The following NRF1 variants were observed in gnomAD, a reference collection of about 807,000 sequenced individuals.
NRF1 encodes nuclear respiratory factor 1.
Under a neutral mutation model 58.5 loss-of-function variants are expected in NRF1, and 5 were observed. That is an observed-to-expected ratio of 0.09 (90% confidence interval 0.04 to 0.18). The LOEUF (loss-of-function observed/expected upper bound fraction) is 0.18, where lower values mean the gene tolerates loss of function less well. NRF1 is among the 10% of genes least tolerant of loss of function. The pLI is 1.00. For missense variants in NRF1, 288 were observed against 657.7 expected, an observed-to-expected ratio of 0.44 and a Z score of 6.15; for synonymous variants, 224 against 246.7, an observed-to-expected ratio of 0.91 and a Z score of 0.86.
At chr7:129,725,053 TAA>T (rs1378812813) in intron 9 of NRF1, among the ~76,000 whole-genome samples, 1 of 151,964 alleles carries the variant, frequency 6.6e-6, no homozygotes, top group Non-Finnish European at 1.5e-5. Context: ...TCTAAAAAAA[TAA>T]AAACAAAAAT....
chr7:129,637,866 ATTTTTTG>A (rs1801202642), intron 1 of NRF1, among the ~76,000 whole-genome samples: 3 of 149,478 alleles, frequency 2.0e-5, no homozygotes, highest in East Asian at 4.0e-4. Context: ...TTGTGATTTT[ATTTTTTG>A]TTTTTTTTTT....
At chr7:129,619,427 T>C (rs190629480) in intron 1 of NRF1, among the ~76,000 whole-genome samples, 10,785 of 80,322 alleles carry the variant, frequency 0.13, 1,223 homozygotes, top group African/African-American at 0.28. Context: ...TATATATATA[T>C]ATATATACAC....
chr7:129,667,876 C>G (rs1420036614), intron 2 of NRF1, among the ~76,000 whole-genome samples: 1 of 151,882 alleles, frequency 6.6e-6, no homozygotes, highest in African/African-American at 2.4e-5. Flanking sequence ...TCAAGTGATC[C>G]TCCTGCCTCA....
intron 1 of NRF1, among the ~76,000 whole-genome samples, chr7:129,655,143 T>G (rs1227105917): frequency 1.3e-5 from 2 of 151,972 alleles, no homozygotes; most frequent in Admixed American, 6.6e-5. Context: ...GAGTTTTGTG[T>G]TTTTTTTCAT....
intron 10 of NRF1, among the ~76,000 whole-genome samples, chr7:129,747,810 G>T (rs1057322027): frequency 6.6e-6 from 1 of 152,164 alleles, no homozygotes; most frequent in Non-Finnish European, 1.5e-5. Context: ...GAGAAAATTC[G>T]ACTTCATTCT....
intron 9 of NRF1, among the ~76,000 whole-genome samples, chr7:129,726,332 C>T (rs1212335826): frequency 6.6e-6 from 1 of 152,156 alleles, no homozygotes; most frequent in Non-Finnish European, 1.5e-5. Context: ...ATTTTTCTTC[C>T]TTACTGGCCC....
chr7:129,744,577 C>T (rs1295586879), intron 10 of NRF1, among the ~76,000 whole-genome samples: 1 of 151,994 alleles, frequency 6.6e-6, no homozygotes, highest in Non-Finnish European at 1.5e-5. Context: ...AAGAACTTGT[C>T]CCCATTAACA....
chr7:129,673,545 G>A (rs923267274), intron 3 of NRF1, among the ~76,000 whole-genome samples: 4 of 151,016 alleles, frequency 2.6e-5, no homozygotes, highest in East Asian at 4.0e-4. Flanking sequence ...GTGAAACCTC[G>A]TCTCTACTAA....
At chr7:129,627,929 A>C (rs1800955895) in intron 1 of NRF1, among the ~76,000 whole-genome samples, 2 of 152,126 alleles carry the variant, frequency 1.3e-5, no homozygotes, top group Non-Finnish European at 2.9e-5. Context: ...TAGTTTAGGA[A>C]GAGCAGGAAT....
At chr7:129,642,776 T>TA in intron 1 of NRF1, among the ~76,000 whole-genome samples, 2 of 137,146 alleles carry the variant, frequency 1.5e-5, no homozygotes, top group East Asian at 4.8e-4. Context: ...TTTTTTTTTT[T>TA]AAATGAGATA....
chr7:129,622,456 A>G (rs1488524588), intron 1 of NRF1, among the ~76,000 whole-genome samples: 4 of 152,192 alleles, frequency 2.6e-5, no homozygotes, highest in East Asian at 1.9e-4. Flanking sequence ...TTTTCTCTTA[A>G]TGGAAAAAGC....
In NRF1 at chr7:129,728,468, CAAAAAAAAAA is replaced by C. The variant is rs60777041; in HGVS notation, c.1348+1120_1348+1129del. Among the ~76,000 whole-genome samples the C allele has an allele frequency of 3.2e-3, 308 of 96,428 alleles. 1 individual carries two copies. The highest frequency in any genetic ancestry group is 5.2e-3 in the Non-Finnish European group (241 of 46,154). 63.3% of individuals were successfully genotyped at this position (96,428 alleles called of 152,430 possible). A position where few individuals can be genotyped will look rare whatever the true frequency, so the allele number is the denominator to read the frequency against. On this transcript the variant is annotated intron_variant, in intron 10 of 10. Coordinates refer to ENST00000393232, the MANE Select transcript of NRF1 (RefSeq NM_005011.5). The stretch of plus-strand genomic sequence containing the variant: ...TGGGTGACAGAATGAGACTCCGTCT[CAAAAAAAAAA>C]AAAAAAAAAAAAAAAACCAATCCTG...
chr7:129,690,585 T>A (rs758884077), intron 5 of NRF1, 39 bp downstream of exon 5: 5 of 1,611,522 alleles, frequency 3.1e-6, no homozygotes, highest in Non-Finnish European at 3.4e-6. Flanking sequence ...CAAAGACAAG[T>A]GGCACAGGTG....
rs117884876 is a variant in NRF1, at chr7:129,641,005, G to A, written c.-6-16341G>A. Among the ~76,000 whole-genome samples, 132 of 152,272 alleles carry A rather than the reference G, an allele frequency of 8.7e-4. 1 individual carries two copies. Among genetic ancestry groups the A allele is most frequent in the Non-Finnish European group, 9.7e-4 (66 of 67,998 alleles). On this transcript the variant is annotated intron_variant, in intron 1 of 10. Transcript: ENST00000393232. ...TTTGTACATCCTAACAAATCACAGA[G>A]CCGTGGAGACCTTATGATGAATAAC...
Position 129,755,856 on chromosome 7 carries a change from G to C in NRF1, c.*675G>C, listed in dbSNP as rs934026632. On this transcript the variant is annotated 3_prime_UTR_variant, in exon 11 of 11. Coordinates refer to ENST00000393232, the MANE Select transcript of NRF1 (RefSeq NM_005011.5). This position sits in a 1 kb window ranked among gnomAD's most constrained non-coding sequence, Gnocchi z 5.8. ...GCTTGCAAGGTCCAGGGACTGCGTG[G>C]TCTGCCAGCTGAGATGCTCCTCGGG... 6.5e-6 allele frequency: 1 copy of C among 152,704 alleles called. No homozygotes were observed. The highest frequency in any genetic ancestry group is 2.4e-5 in the African/African-American group (1 of 41,450). The allele number at this position is 152,704 out of a possible 1,614,324, so 9.5% of individuals were successfully genotyped here.
chr7:129,690,371 G>A (rs762043443), intron 4 of NRF1, 35 bp from the exon 5 acceptor site: 2 of 1,597,156 alleles, frequency 1.3e-6, no homozygotes, highest in East Asian at 2.3e-5. Flanking sequence ...TGGTTGTTGG[G>A]CATCTTGTTT....
chr7:129,728,515 GATAA>G (rs2116254740), intron 10 of NRF1, among the ~76,000 whole-genome samples: 1 of 142,692 alleles, frequency 7.0e-6, no homozygotes, highest in South Asian at 2.3e-4. Context: ...AATGAGGATA[GATAA>G]ATAACATACT....
At chr7:129,654,039 A>G (rs919936135) in intron 1 of NRF1, among the ~76,000 whole-genome samples, 5 of 152,232 alleles carry the variant, frequency 3.3e-5, no homozygotes, top group African/African-American at 1.2e-4. Flanking sequence ...ATTTTATAAC[A>G]GACTGCCACA....
chr7:129,728,845 AAT>A (rs1318179765), intron 10 of NRF1, among the ~76,000 whole-genome samples: 1 of 151,776 alleles, frequency 6.6e-6, no homozygotes, highest in Non-Finnish European at 1.5e-5. Flanking sequence ...TGCTTATCTA[AAT>A]CTAGACAGAG....
Sources: gnomAD v4.1 joint callset for allele counts (sites outside exome capture counted in the v4.1 genomes callset) on GRCh38, gnomAD v4.1.1 for gene constraint, Gnocchi (gnomAD v3.1) non-coding constraint, MANE v1.5 for transcripts, NCBI Gene and HGNC (gene_info 2026-07-23, HGNC 2026-07-21) for gene names.